Variants in LAMA1 observed in about 807,000 individuals in gnomAD.
The protein encoded by LAMA1 is laminin subunit alpha-1.
LAMA1 carries 219 observed loss-of-function variants against 348.7 expected under a neutral mutation model. The observed-to-expected ratio is 0.63, with a 90% CI of 0.56 to 0.70. LAMA1 has a LOEUF of 0.70. LAMA1 is among the 30% of genes least tolerant of loss of function. LAMA1 has a pLI of 0.00. For missense variants in LAMA1, 3,744 were observed against 3,888.0 expected (o/e 0.96, Z 0.99); for synonymous variants, 1,487 against 1,491.0 (o/e 1.00, Z 0.06).
At chr18:6,955,268 C>T (rs2143989301) in intron 57 of LAMA1, 85 bp downstream of exon 57, 2 of 1,057,190 alleles carry the variant, frequency 1.9e-6, no homozygotes, top group Admixed American at 2.0e-5. Context: ...AAAGCAGGTT[C>T]TTTTGGAAAA....
rs529992546 is a variant in LAMA1 at position 7,059,158 on chromosome 18, G to C, written c.346-8222C>G. Among the ~76,000 whole-genome samples the C allele has an allele frequency of 2.0e-5, 3 of 152,306 alleles. No individual in the cohort carries two copies. The South Asian group carries it at 6.2e-4, about 32-fold the overall frequency. ...ACCTGCCTCGGCCTCCCAAAGTGCTGGGATTACAGGCATGAGCCACTGTGC... is the reference window on the plus strand; with the variant it reads ...ACCTGCCTCGGCCTCCCAAAGTGCTCGGATTACAGGCATGAGCCACTGTGC... On this transcript the variant is annotated intron_variant, in intron 3 of 62. Coordinates refer to ENST00000389658, the MANE Select transcript of LAMA1 (RefSeq NM_005559.4).
chr18:7,057,471 C>CTTTTTTTTTTTT (rs552843703), intron 3 of LAMA1, among the ~76,000 whole-genome samples: 17 of 90,804 alleles, frequency 1.9e-4, no homozygotes, highest in East Asian at 5.8e-4. Context: ...CTTTTCTTTT[C>CTTTTTTTTTTTT]TTTTTTTTTT....
At chr18:7,076,753 A>G (rs949062983) in intron 3 of LAMA1, 4 of 152,076 alleles carry the variant, frequency 2.6e-5, no homozygotes, top group African/African-American at 9.7e-5. Flanking sequence ...ATTACTGTTA[A>G]TTTTGCCCAA....
Position 6,985,637 on chromosome 18 carries a change from T to A in LAMA1, c.5386A>T (p.Lys1796Ter). The A allele has an allele frequency of 6.8e-6, 11 of 1,611,156 alleles. No individual in the cohort carries two copies. The highest frequency in any genetic ancestry group is 9.3e-6 in the Non-Finnish European group (11 of 1,177,430). The part of the protein sequence containing the change: ...NANLREFSDK[K>*]LHVQEEQNLT... ...TTTTGTTCTTCTTGAACATGCAGCT[T>A]TTTATCCTGCAGCAGAAACGGCATT... Residue 1796 changes from lysine to a stop codon, truncating the protein, a stop_gained, in exon 38 of 63, where the codon AAG becomes TAG. Transcript: ENST00000389658. LOFTEE classifies it high-confidence loss of function.
At chr18:7,072,592 G>C (rs554938717) in intron 3 of LAMA1, among the ~76,000 whole-genome samples, 3 of 152,238 alleles carry the variant, frequency 2.0e-5, no homozygotes, top group Non-Finnish European at 4.4e-5. Flanking sequence ...TTCTCCAGGA[G>C]AATTCTAAAA....
At chr18:7,039,521 A>G (rs903269948) in intron 10 of LAMA1, among the ~76,000 whole-genome samples, 1 of 152,206 alleles carries the variant, frequency 6.6e-6, no homozygotes. Flanking sequence ...CAGAAATTTA[A>G]TGTTAATCTG....
chr18:6,970,880 TG>T (rs1433985847), intron 48 of LAMA1, among the ~76,000 whole-genome samples: 1 of 152,212 alleles, frequency 6.6e-6, no homozygotes, highest in East Asian at 1.9e-4. Flanking sequence ...CCCAAAGTGC[TG>T]GGATTACAGG....
In LAMA1 at chr18:7,015,616, G is replaced by A. The variant is rs2057883778; in HGVS notation, c.3126+106C>T. The A allele has an allele frequency of 1.2e-5, 14 of 1,200,564 alleles. No homozygotes were observed. The South Asian group carries it at 1.6e-4, about 14-fold the overall frequency. The allele number at this position is 1,200,564 out of a possible 1,614,324, so 74.4% of individuals were successfully genotyped here. ...TTTTTTTTTTTTTTAAATTCACAAA[G>A]CTATTCAACAGATTAAAGTCCAGAA... On this transcript the variant is annotated intron_variant, in intron 22 of 62. Transcript: ENST00000389658.
At chr18:6,957,068 C>T (rs1292847931) in intron 55 of LAMA1, 1 of 386,670 alleles carries the variant, frequency 2.6e-6, no homozygotes, top group Admixed American at 3.7e-5. Flanking sequence ...GCAGCCTTGA[C>T]TGGGCTGCCT....
intron 48 of LAMA1, among the ~76,000 whole-genome samples, chr18:6,967,664 T>C (rs942029248): frequency 2.6e-5 from 4 of 152,224 alleles, no homozygotes; most frequent in African/African-American, 9.6e-5. Flanking sequence ...TTTCTGCCTA[T>C]GAAAAGCTGA....
chr18:7,002,283 G>A lies in LAMA1; in HGVS notation c.4363C>T (p.Pro1455Ser), dbSNP rs201430047. 3 of 1,612,744 alleles carry A rather than the reference G, an allele frequency of 1.9e-6. No individual in the cohort carries two copies. Among genetic ancestry groups the A allele is most frequent in the Admixed American group, 1.7e-5 (1 of 60,018 alleles). Residue 1455 changes from proline to serine, a missense_variant, in exon 30 of 63, where the codon CCT (proline) becomes TCT (serine). Coordinates refer to ENST00000389658, the MANE Select transcript of LAMA1 (RefSeq NM_005559.4). ...ACTCACCTGGCAGGAGGGCTGTGAGGACAGGCACACAGAGCACAGTCACTT... is the reference window on the plus strand; with the variant it reads ...ACTCACCTGGCAGGAGGGCTGTGAGAACAGGCACACAGAGCACAGTCACTT... ...SASDCALCAC[P>S]HSPPASFSPT...
intron 36 of LAMA1, among the ~76,000 whole-genome samples, chr18:6,990,549 G>A (rs2057754195): frequency 6.6e-6 from 1 of 152,192 alleles, no homozygotes; most frequent in Admixed American, 6.5e-5. Flanking sequence ...GAGCACAGCT[G>A]AAGCCTCAGT....
Position 6,985,582 on chromosome 18 carries a change from C to T in LAMA1, c.5441G>A (p.Arg1814Lys). The T allele has an allele frequency of 1.2e-6, 2 of 1,614,180 alleles. No individual in the cohort carries two copies. Among genetic ancestry groups the T allele is most frequent in the East Asian group, 2.2e-5 (1 of 44,874 alleles). Residue 1814 changes from arginine (R) to lysine (K), a missense_variant, in exon 38 of 63, where the codon AGA (arginine) becomes AAA (lysine). Coordinates refer to ENST00000389658, the MANE Select transcript of LAMA1 (RefSeq NM_005559.4). ...NLTSELIVQG[R>K]GLIDAAAAQT... ...TGCAGCAGCAGCATCTATCAATCCT[C>T]TTCCTTGGACAATGAGCTCTGAGGT...
intron 1 of LAMA1, among the ~76,000 whole-genome samples, chr18:7,108,231 G>C (rs1363523191): frequency 6.6e-6 from 1 of 152,090 alleles, no homozygotes; most frequent in African/African-American, 2.4e-5. Context: ...AGCTACTCAA[G>C]AGGCTGAGGC....
In LAMA1 at chr18:7,011,288, C is replaced by T. The variant is rs367610322; in HGVS notation, c.3687+12G>A. The T allele has an allele frequency of 4.0e-5, 65 of 1,609,414 alleles. No homozygotes were observed. The African/African-American group carries it at 6.0e-4, about 15-fold the overall frequency. ...AAGCACCGACTGGCTCTCGGCTGGG[C>T]GTGCACCTCACCTGGTCTCCTTGGA... On this transcript the variant is annotated intron_variant, in intron 25 of 62. Coordinates refer to ENST00000389658, the MANE Select transcript of LAMA1 (RefSeq NM_005559.4).
chr18:7,025,506 C>T (rs1044870564), intron 17 of LAMA1, among the ~76,000 whole-genome samples: 1 of 152,186 alleles, frequency 6.6e-6, no homozygotes, highest in South Asian at 2.1e-4. Flanking sequence ...CTATTCAGAA[C>T]ACCTGCTGTA....
chr18:6,993,578 A>G, intron 35 of LAMA1, 63 bp downstream of exon 35: 1 of 1,149,662 alleles, frequency 8.7e-7, no homozygotes, highest in South Asian at 1.2e-5. Context: ...ATGTTTAATA[A>G]AGCAATGGTG....
intron 1 of LAMA1, among the ~76,000 whole-genome samples, chr18:7,095,039 T>C (rs2058254840): frequency 6.6e-6 from 1 of 151,032 alleles, no homozygotes; most frequent in Non-Finnish European, 1.5e-5. Flanking sequence ...ATAGATTCTA[T>C]CCGATTCCAG....
At chr18:7,070,493 T>C (rs1486062463) in intron 3 of LAMA1, among the ~76,000 whole-genome samples, 1 of 152,204 alleles carries the variant, frequency 6.6e-6, no homozygotes, top group Admixed American at 6.5e-5. Context: ...AAATACTTTA[T>C]ATTTGAATGA....
Sources: allele counts gnomAD v4.1 joint callset (sites outside exome capture counted in the v4.1 genomes callset), GRCh38; gene constraint gnomAD v4.1.1; transcripts MANE v1.5; gene names NCBI Gene and HGNC (gene_info 2026-07-23, HGNC 2026-07-21).